Variants in NRXN3 observed in about 807,000 individuals in gnomAD.
The protein encoded by NRXN3 is neurexin III.
NRXN3 carries 32 observed loss-of-function variants against 137.6 expected under a neutral mutation model. The ratio of observed to expected loss-of-function variants is 0.23; its 90% CI spans 0.18 to 0.31. NRXN3 has a LOEUF of 0.31. NRXN3 is among the 10% of genes least tolerant of loss of function. The pLI is 1.00. For synonymous variants in NRXN3, 798 were observed against 784.5 expected, an observed-to-expected ratio of 1.02 and a Z score of -0.29; for missense variants, 1,574 against 2,062.5, an observed-to-expected ratio of 0.76 and a Z score of 4.59.
intron 4 of NRXN3, among the ~76,000 whole-genome samples, chr14:78,444,905 G>C (rs908924899): frequency 2.8e-5 from 2 of 70,456 alleles, no homozygotes; most frequent in Non-Finnish European, 5.0e-5. Flanking sequence ...GGCAATAAGG[G>C]CAAAACTCTG....
intron 15 of NRXN3, among the ~76,000 whole-genome samples, chr14:79,134,535 G>A (rs569427000): frequency 5.6e-4 from 86 of 152,286 alleles, no homozygotes; most frequent in African/African-American, 1.8e-3. Flanking sequence ...AGACCATTGG[G>A]GAAGTTGCAG....
intron 4 of NRXN3, among the ~76,000 whole-genome samples, chr14:78,433,385 A>G (rs1252876748): frequency 2.0e-5 from 3 of 152,106 alleles, no homozygotes; most frequent in African/African-American, 7.2e-5. Context: ...GCCCACCTAG[A>G]TAATCTTCCT....
chr14:79,548,508 T>C (rs2097342714), intron 16 of NRXN3, among the ~76,000 whole-genome samples: 1 of 152,146 alleles, frequency 6.6e-6, no homozygotes, highest in Non-Finnish European at 1.5e-5. Context: ...TACATGTGCA[T>C]GTGTCTTTAT....
intron 19 of NRXN3, among the ~76,000 whole-genome samples, chr14:79,776,816 CT>C (rs199938818): frequency 0.01 from 1,556 of 152,298 alleles, 11 homozygotes; most frequent in Non-Finnish European, 0.016. Flanking sequence ...AGTGGCATCA[CT>C]TTGTACTCCA....
chr14:79,720,892 AAAAT>A (rs550890832), intron 19 of NRXN3, among the ~76,000 whole-genome samples: 2 of 152,272 alleles, frequency 1.3e-5, no homozygotes, highest in South Asian at 4.1e-4. Flanking sequence ...TAATATTATT[AAAAT>A]AAATAAATGA....
intron 4 of NRXN3, among the ~76,000 whole-genome samples, chr14:78,456,863 T>TTTTC (rs1555540253): frequency 0.059 from 6,977 of 119,170 alleles, 288 homozygotes; most frequent in Non-Finnish European, 0.085. Context: ...CTTTTTCTCT[T>TTTTC]TCTTTCTTTC....
intron 3 of NRXN3, among the ~76,000 whole-genome samples, chr14:78,280,311 G>A (rs1049312660): frequency 9.9e-5 from 15 of 152,112 alleles, no homozygotes; most frequent in Admixed American, 4.6e-4. Context: ...TGCATGTTTT[G>A]TATATGCATG....
In NRXN3 at chr14:78,889,184, A is replaced by G. The variant is rs765572585; in HGVS notation, c.2276-68058A>G. On this transcript the variant is annotated intron_variant, in intron 10 of 20. Coordinates refer to ENST00000335750, the MANE Select transcript of NRXN3 (RefSeq NM_001330195.2). ...ACATCATCATTCCATTTCTTATGATATTTAACATGACAAGCAAAAGACCTT... is the reference window on the plus strand; with the variant it reads ...ACATCATCATTCCATTTCTTATGATGTTTAACATGACAAGCAAAAGACCTT... Among the ~76,000 whole-genome samples the G allele has an allele frequency of 2.6e-5, 4 of 151,506 alleles. No individual in the cohort carries two copies. The South Asian group carries it at 6.2e-4, about 24-fold the overall frequency.
At chr14:79,724,994 A>G (rs2098874826) in intron 19 of NRXN3, among the ~76,000 whole-genome samples, 1 of 152,174 alleles carries the variant, frequency 6.6e-6, no homozygotes, top group South Asian at 2.1e-4. Context: ...GGAAGCAGAA[A>G]GGTAGGATTG....
chr14:79,192,071 CA>C (rs1251897244), intron 15 of NRXN3, among the ~76,000 whole-genome samples: 1 of 151,992 alleles, frequency 6.6e-6, no homozygotes, highest in African/African-American at 2.4e-5. Flanking sequence ...GTATTTTTAG[CA>C]GAGATGGGGT....
At chr14:78,487,792 G>T (rs984597273) in intron 4 of NRXN3, among the ~76,000 whole-genome samples, 1 of 148,620 alleles carries the variant, frequency 6.7e-6, no homozygotes, top group African/African-American at 2.5e-5. Context: ...AATAAATAAA[G>T]ATAGATTTGT....
At chr14:79,732,254 A>C (rs1412670271) in intron 19 of NRXN3, among the ~76,000 whole-genome samples, 1 of 152,168 alleles carries the variant, frequency 6.6e-6, no homozygotes, top group Admixed American at 6.5e-5. Flanking sequence ...TGTATGTCTG[A>C]TAAACTAAGT....
At chr14:79,756,288 T>A (rs2099019294) in intron 19 of NRXN3, among the ~76,000 whole-genome samples, 1 of 152,176 alleles carries the variant, frequency 6.6e-6, no homozygotes. Flanking sequence ...CTTTCCTTCT[T>A]CCTCTCCCAC....
chr14:79,284,356 A>T (rs1339010392), intron 15 of NRXN3, among the ~76,000 whole-genome samples: 1 of 110,832 alleles, frequency 9.0e-6, no homozygotes, highest in Middle Eastern at 4.1e-3. Context: ...ATATATATAT[A>T]TATATATATA....
At chr14:78,442,457 G>A (rs145136261) in intron 4 of NRXN3, among the ~76,000 whole-genome samples, 1 of 152,246 alleles carries the variant, frequency 6.6e-6, no homozygotes, top group African/African-American at 2.4e-5. Context: ...GAGGGAGCAT[G>A]GCCCTGCCAA....
intron 17 of NRXN3, among the ~76,000 whole-genome samples, chr14:79,680,440 T>C (rs182621854): frequency 0.01 from 1,405 of 140,168 alleles, 14 homozygotes; most frequent in Middle Eastern, 0.017. Context: ...AAGGTAGGAC[T>C]GTTTGTGTGT....
intron 1 of NRXN3, among the ~76,000 whole-genome samples, chr14:78,224,921 C>T (rs1380510178): frequency 2.7e-5 from 4 of 149,206 alleles, no homozygotes; most frequent in African/African-American, 7.5e-5. Context: ...CACCCGCCAC[C>T]GTGCCCGGCT....
intron 15 of NRXN3, among the ~76,000 whole-genome samples, chr14:79,329,746 G>C (rs35455900): frequency 7.2e-5 from 11 of 152,130 alleles, no homozygotes; most frequent in Non-Finnish European, 1.5e-4. Context: ...TCAGAAGAAA[G>C]CCAATTATGA....
intron 10 of NRXN3, among the ~76,000 whole-genome samples, chr14:78,915,345 CAAAA>C (rs35908076): frequency 0.086 from 941 of 10,894 alleles, 2 homozygotes; most frequent in South Asian, 0.2. Flanking sequence ...ACGTGTGAAG[CAAAA>C]AAAAAAAAAA....
Sources: gnomAD v4.1 joint callset for allele counts (sites outside exome capture counted in the v4.1 genomes callset) on GRCh38, gnomAD v4.1.1 for gene constraint, MANE v1.5 for transcripts, NCBI Gene and HGNC (gene_info 2026-07-23, HGNC 2026-07-21) for gene names.